Variants in C8A observed in about 807,000 individuals in gnomAD.
The protein encoded by C8A is complement C8 alpha chain, also known as complement component C8 alpha chain.
C8A carries 67 observed loss-of-function variants against 65.3 expected under a neutral mutation model. The ratio of observed to expected loss-of-function variants is 1.03; its 90% confidence interval spans 0.84 to 1.26. The LOEUF is 1.26. Ranked by LOEUF, C8A falls within the 50% of genes most tolerant of loss-of-function variation. C8A has a pLI of 0.00. For missense variants in C8A, 781 were observed against 723.9 expected, an observed-to-expected ratio of 1.08 and a Z score of -0.90; for synonymous variants, 290 against 259.4, an observed-to-expected ratio of 1.12 and a Z score of -1.13.
At chr1:56,876,482 C>T (rs1325053692) in intron 4 of C8A, among the ~76,000 whole-genome samples, 1 of 151,832 alleles carries the variant, frequency 6.6e-6, no homozygotes, top group Non-Finnish European at 1.5e-5. Flanking sequence ...ATTTCTAAGG[C>T]CCATTTAAGA....
At position 56,866,762 on chromosome 1, in the gene C8A, G is replaced by A. The variant is rs116116699; in HGVS notation, c.78-847G>A. 2.6e-3 allele frequency among the ~76,000 whole-genome samples: 390 copies of A among 152,290 alleles called. 3 individuals carry two copies. Among genetic ancestry groups the A allele is most frequent in the African/African-American group, 9.0e-3 (375 of 41,564 alleles). ...TAATGTGGAAGCCAGGCAAACTTGC[G>A]GCTTGTCTCTCTTTCCCTGAGTAGG... is the stretch of plus-strand genomic sequence containing the variant. On this transcript the variant is annotated intron_variant, in intron 1 of 10. Coordinates refer to ENST00000361249, the MANE Select transcript of C8A (RefSeq NM_000562.3).
At position 56,910,349 on chromosome 1, in the gene C8A, G is replaced by T. The variant is rs1182981677; in HGVS notation, c.1381-2054G>T. Among the ~76,000 whole-genome samples the T allele has an allele frequency of 3.3e-5, 5 of 152,072 alleles. No individual in the cohort carries two copies. The East Asian group carries it at 9.6e-4, about 29-fold the overall frequency. On this transcript the variant is annotated intron_variant, in intron 9 of 10. Transcript: ENST00000361249. ...GAGTCTTTTTTCTCATCTGCAAAAC[G>T]GGAACAAGATCACTGCCAATACCTT...
At chr1:56,912,091 G>A (rs1482338828) in intron 9 of C8A, among the ~76,000 whole-genome samples, 1 of 152,208 alleles carries the variant, frequency 6.6e-6, no homozygotes, top group Non-Finnish European at 1.5e-5. Flanking sequence ...TGTGCCTCAC[G>A]TCCTAGCTGT....
rs754212849 is a variant in C8A, at chr1:56,912,359, G to C, written c.1381-44G>C. On this transcript the variant is annotated intron_variant, in intron 9 of 10. Transcript: ENST00000361249. ...CCGGTTCTTGGGCTCTGGGAAGGTA[G>C]ATAGAGCCCAGGGAGGGGCCCTGTG... 3.8e-6 allele frequency: 6 copies of C among 1,581,412 alleles called. No homozygotes were observed. In the South Asian group the frequency reaches 4.4e-5, roughly 12 times the overall value.
chr1:56,864,320 A>G (rs895529291), intron 1 of C8A, among the ~76,000 whole-genome samples: 2 of 152,186 alleles, frequency 1.3e-5, no homozygotes, highest in Non-Finnish European at 2.9e-5. Context: ...GGTGTTTAGA[A>G]TATAGGTAAG....
At chr1:56,855,824 A>G (rs1272535939) in intron 1 of C8A, among the ~76,000 whole-genome samples, 1 of 152,108 alleles carries the variant, frequency 6.6e-6, no homozygotes, top group Non-Finnish European at 1.5e-5. Context: ...ATGCTAGAGC[A>G]AGTGAGAATT....
At position 56,885,438 on chromosome 1, in the gene C8A, A is replaced by ATTT. The variant is rs1557705872; in HGVS notation, c.856-489_856-488insTTT. Among the ~76,000 whole-genome samples, 43 of 120,858 alleles carry ATTT rather than the reference A, an allele frequency of 3.6e-4. 2 individuals carry two copies. The East Asian group carries it at 9.8e-3, about 28-fold the overall frequency. The allele number at this position is 120,858 out of a possible 152,430, so 79.3% of individuals were successfully genotyped here. Reference sequence around the variant, plus strand: ...TAAATATATATTTAAATATATATTTAAGTAAATATATATATATTTCCGTAA... The same window carrying ATTT: ...TAAATATATATTTAAATATATATTTATTTAGTAAATATATATATATTTCCGTAA... On this transcript the variant is annotated intron_variant, in intron 6 of 10. Coordinates refer to ENST00000361249, the MANE Select transcript of C8A (RefSeq NM_000562.3).
chr1:56,898,788 T>C (rs1644404180), intron 7 of C8A, among the ~76,000 whole-genome samples: 1 of 151,958 alleles, frequency 6.6e-6, no homozygotes, highest in African/African-American at 2.4e-5. Context: ...CTAGCTGGGG[T>C]GGTTCCAAAT....
intron 2 of C8A, among the ~76,000 whole-genome samples, chr1:56,871,874 G>C (rs761984205): frequency 1.3e-5 from 2 of 152,040 alleles, no homozygotes; most frequent in Non-Finnish European, 2.9e-5. Context: ...GTCTGATTTC[G>C]AATAACATTA....
chr1:56,896,693 G>A (rs1644389621), intron 7 of C8A, among the ~76,000 whole-genome samples: 1 of 152,142 alleles, frequency 6.6e-6, no homozygotes, highest in Non-Finnish European at 1.5e-5. Context: ...CAGTCAACTT[G>A]ACATATGAAA....
At chr1:56,885,497 TAC>T (rs1491345432) in intron 6 of C8A, among the ~76,000 whole-genome samples, 30 of 111,828 alleles carry the variant, frequency 2.7e-4, no homozygotes, top group African/African-American at 8.6e-4. Flanking sequence ...TTTACGTAAA[TAC>T]ATATATATAT....
At chr1:56,885,195 T>A (rs1474592001) in intron 6 of C8A, among the ~76,000 whole-genome samples, 1 of 151,042 alleles carries the variant, frequency 6.6e-6, no homozygotes, top group East Asian at 1.9e-4. Flanking sequence ...TGGCACACAT[T>A]GGTGCCTAGT....
chr1:56,901,092 A>G (rs1313592267), intron 7 of C8A, among the ~76,000 whole-genome samples: 8 of 152,118 alleles, frequency 5.3e-5, no homozygotes, highest in Non-Finnish European at 1.0e-4. Flanking sequence ...TAAAGGATAA[A>G]CAGAAACACA....
intron 2 of C8A, among the ~76,000 whole-genome samples, chr1:56,870,575 G>A (rs994361539): frequency 2.6e-5 from 4 of 151,756 alleles, no homozygotes; most frequent in African/African-American, 9.7e-5. Context: ...AATAATGTCT[G>A]CAATGGCCGG....
intron 7 of C8A, among the ~76,000 whole-genome samples, chr1:56,900,007 C>T (rs1644414779): frequency 6.6e-6 from 1 of 152,148 alleles, no homozygotes; most frequent in African/African-American, 2.4e-5. Flanking sequence ...CTTGTCATGG[C>T]TGAAATTATG....
chr1:56,855,417 A>G (rs909322884), intron 1 of C8A, among the ~76,000 whole-genome samples: 2 of 152,216 alleles, frequency 1.3e-5, no homozygotes, highest in African/African-American at 4.8e-5. Flanking sequence ...AAAGAGCATC[A>G]TAAGAGTGCT....
Position 56,867,648 on chromosome 1 carries a change from C to A in C8A, c.117C>A (p.Cys39Ter), listed in dbSNP as rs1397577956. 1.2e-6 allele frequency: 2 copies of A among 1,613,892 alleles called. No homozygotes were observed. The highest frequency in any genetic ancestry group is 1.7e-6 in the Non-Finnish European group (2 of 1,179,900). Residue 39 changes from cysteine (C) to a stop codon, truncating the protein, a stop_gained, in exon 2 of 11, where the codon TGC becomes TGA. Transcript: ENST00000361249. LOFTEE classifies it high-confidence loss of function. Reference sequence around the variant, plus strand: ...CAGCTACACCCGCAGCAGTTACCTGCCAGCTGAGCAACTGGTCAGAGTGGA... The same window carrying A: ...CAGCTACACCCGCAGCAGTTACCTGACAGCTGAGCAACTGGTCAGAGTGGA... ...RRAATPAAVT[C>*]QLSNWSEWTD...
intron 8 of C8A, 33 bp from the exon 9 acceptor site, chr1:56,907,923 A>G (rs757409302): frequency 3.1e-6 from 5 of 1,613,748 alleles, no homozygotes; most frequent in Non-Finnish European, 4.2e-6. Flanking sequence ...TTTTTGGGAA[A>G]TGAGTTAATG....
At chr1:56,894,456 A>T (rs1644373121) in intron 7 of C8A, among the ~76,000 whole-genome samples, 1 of 152,108 alleles carries the variant, frequency 6.6e-6, no homozygotes, top group African/African-American at 2.4e-5. Flanking sequence ...GCTTTCCATC[A>T]TCCCTGGCCC....
Sources: allele counts gnomAD v4.1 joint callset (sites outside exome capture counted in the v4.1 genomes callset), GRCh38; gene constraint gnomAD v4.1.1; transcripts MANE v1.5; gene names NCBI Gene and HGNC (gene_info 2026-07-23, HGNC 2026-07-21).